FSIP1: variants seen among roughly 807,000 people sequenced by gnomAD.
FSIP1 encodes the protein fibrous sheath interacting protein 1, also known as fibrous sheath-interacting protein 1.
FSIP1 carries 65 observed loss-of-function variants against 60.9 expected under a neutral mutation model. The observed-to-expected ratio is 1.07, with a 90% CI of 0.87 to 1.31. The LOEUF is 1.31. Ranked by LOEUF, FSIP1 falls within the 40% of genes most tolerant of loss-of-function variation. The pLI is 0.00. For missense variants in FSIP1, 675 were observed against 665.5 expected (o/e 1.01, Z -0.16); for synonymous variants, 209 against 221.2 (o/e 0.94, Z 0.49).
At chr15:39,705,809 C>A (rs1353038568) in intron 10 of FSIP1, among the ~76,000 whole-genome samples, 1 of 152,020 alleles carries the variant, frequency 6.6e-6, no homozygotes, top group Non-Finnish European at 1.5e-5. Context: ...ACCAGCCTGG[C>A]CAACATGGCA....
intron 9 of FSIP1, among the ~76,000 whole-genome samples, chr15:39,718,772 C>G (rs1895846685): frequency 6.6e-6 from 1 of 152,150 alleles, no homozygotes; most frequent in Non-Finnish European, 1.5e-5. Context: ...GCTGGGATTA[C>G]AGATGTGAGC....
chr15:39,626,990 A>G (rs56722485), intron 10 of FSIP1, among the ~76,000 whole-genome samples: 18,808 of 152,048 alleles, frequency 0.12, 1,389 homozygotes, highest in East Asian at 0.21. Flanking sequence ...CCTCACCCCA[A>G]TCACAGAGAA....
chr15:39,764,407 T>C (rs1321253102), intron 4 of FSIP1, among the ~76,000 whole-genome samples: 1 of 152,200 alleles, frequency 6.6e-6, no homozygotes, highest in Non-Finnish European at 1.5e-5. Context: ...TTTCTTTCCA[T>C]CCCAGTGGAC....
At chr15:39,766,849 T>G (rs1897707332) in intron 3 of FSIP1, among the ~76,000 whole-genome samples, 1 of 152,158 alleles carries the variant, frequency 6.6e-6, no homozygotes, top group African/African-American at 2.4e-5. Context: ...CTTCTTCTTC[T>G]TTTTTTAAGA....
In FSIP1 at chr15:39,781,809, G is replaced by A. The variant is rs544594643; in HGVS notation, c.-8+819C>T. Among the ~76,000 whole-genome samples, 4 of 152,344 alleles carry A rather than the reference G, an allele frequency of 2.6e-5. No individual in the cohort carries two copies. The South Asian group carries it at 6.2e-4, about 24-fold the overall frequency. ...CTAGGAAGTTGTTGCCAGGGATGGC[G>A]TTAGGGGAGGGATTAAATACAAAGA... On this transcript the variant is annotated intron_variant, in intron 1 of 11. Transcript: ENST00000350221.
chr15:39,742,184 AC>A (rs1896826876), intron 5 of FSIP1, among the ~76,000 whole-genome samples: 1 of 152,168 alleles, frequency 6.6e-6, no homozygotes, highest in Admixed American at 6.5e-5. Flanking sequence ...TGCTAAAATA[AC>A]ACATTAACTC....
At position 39,642,350 on chromosome 15, in the gene FSIP1, T is replaced by C. The variant is rs528982128; in HGVS notation, c.1189-24105A>G. Among the ~76,000 whole-genome samples, 4 of 152,326 alleles carry C rather than the reference T, an allele frequency of 2.6e-5. No homozygotes were observed. In the South Asian group the frequency reaches 8.3e-4, roughly 32 times the overall value. On this transcript the variant is annotated intron_variant, in intron 10 of 11. Coordinates refer to ENST00000350221, the MANE Select transcript of FSIP1 (RefSeq NM_152597.5). ...AACCTGCTTCTGGTCCAAGAAACCA[T>C]TTCCTAGCCTGGAGTGCTAGGCATT...
chr15:39,671,277 T>C (rs1893709354), intron 10 of FSIP1, among the ~76,000 whole-genome samples: 2 of 152,192 alleles, frequency 1.3e-5, no homozygotes, highest in Admixed American at 1.3e-4. Flanking sequence ...TTTTTTCACG[T>C]TTTCCATCAC....
chr15:39,655,294 C>T (rs1893028340), intron 10 of FSIP1, among the ~76,000 whole-genome samples: 1 of 152,178 alleles, frequency 6.6e-6, no homozygotes, highest in South Asian at 2.1e-4. Flanking sequence ...TAAGGGTCTC[C>T]ATGGATATAC....
chr15:39,683,495 C>A (rs1419568990), intron 10 of FSIP1, among the ~76,000 whole-genome samples: 2 of 152,038 alleles, frequency 1.3e-5, no homozygotes, highest in African/African-American at 4.8e-5. Flanking sequence ...TGAATGCTTT[C>A]CCCCTAAGAC....
At chr15:39,601,574 T>A (rs1433539096) in intron 11 of FSIP1, among the ~76,000 whole-genome samples, 1 of 152,216 alleles carries the variant, frequency 6.6e-6, no homozygotes, top group African/African-American at 2.4e-5. Flanking sequence ...AATGAAAGCA[T>A]ACATCCATAC....
At chr15:39,779,643 A>C (rs1364526609) in intron 1 of FSIP1, among the ~76,000 whole-genome samples, 1 of 152,244 alleles carries the variant, frequency 6.6e-6, no homozygotes, top group Non-Finnish European at 1.5e-5. Flanking sequence ...AACACTTCAA[A>C]ATAGAATCAT....
intron 9 of FSIP1, among the ~76,000 whole-genome samples, chr15:39,717,609 T>G (rs556246577): frequency 6.6e-6 from 1 of 152,306 alleles, no homozygotes. Flanking sequence ...GAGTGTTTGC[T>G]ACAGTCCATG....
rs768419014 is a variant in FSIP1, at chr15:39,618,240, C to G, written c.1194G>C (p.Glu398Asp). 6.3e-7 allele frequency: 1 copy of G among 1,594,176 alleles called. No individual in the cohort carries two copies. Residue 398 changes from glutamate to aspartate, a missense_variant, in exon 11 of 12, where the codon GAG becomes GAC. By Grantham distance (45) the Glu-to-Asp change is conservative. Transcript: ENST00000350221. ...KLKMMKENVLESTSCLSEEQL... is the reference protein window; with the variant it reads ...KLKMMKENVLDSTSCLSEEQL... ...GTTCTTCAGAGAGACATGATGTGGA[C>G]TCTAACTGATGAAACAAACCAAAAG...
chr15:39,668,891 T>C (rs969324215), intron 10 of FSIP1, among the ~76,000 whole-genome samples: 1 of 152,244 alleles, frequency 6.6e-6, no homozygotes, highest in Non-Finnish European at 1.5e-5. Context: ...AGACACAGGT[T>C]ATTCTTTCTA....
intron 2 of FSIP1, 82 bp from the exon 3 acceptor site, chr15:39,770,692 T>A: frequency 3.6e-6 from 3 of 827,098 alleles, no homozygotes; most frequent in Non-Finnish European, 5.3e-6. Flanking sequence ...ATTTTGACAC[T>A]AATGGAAGCA....
In FSIP1 at chr15:39,648,916, A is replaced by G. The variant is rs150566029; in HGVS notation, c.1189-30671T>C. 2.9e-3 allele frequency among the ~76,000 whole-genome samples: 447 copies of G among 151,782 alleles called. 1 individual carries two copies. Among genetic ancestry groups the G allele is most frequent in the African/African-American group, 0.01 (425 of 41,444 alleles). On this transcript the variant is annotated intron_variant, in intron 10 of 11. Transcript: ENST00000350221. ...ATATCATTATTTAAAAAGGAAAGCT[A>G]TTTCAGACTGGGATTTCTTGTGCAA...
At chr15:39,687,137 C>CTTTTT (rs386382788) in intron 10 of FSIP1, among the ~76,000 whole-genome samples, 3 of 115,454 alleles carry the variant, frequency 2.6e-5, no homozygotes, top group Non-Finnish European at 5.0e-5. Context: ...TTTTCTTTTC[C>CTTTTT]TTTTTTTTTT....
chr15:39,709,136 G>T (rs951681683), intron 10 of FSIP1, among the ~76,000 whole-genome samples: 1 of 152,114 alleles, frequency 6.6e-6, no homozygotes, highest in Admixed American at 6.6e-5. Context: ...AGATGCAGGC[G>T]TTTCCAGTAA....
Sources: allele counts gnomAD v4.1 joint callset (sites outside exome capture counted in the v4.1 genomes callset), GRCh38; gene constraint gnomAD v4.1.1; transcripts MANE v1.5; gene names NCBI Gene and HGNC (gene_info 2026-07-23, HGNC 2026-07-21).